The following EYS variants were observed in gnomAD, a reference collection of about 807,000 sequenced individuals.
EYS encodes protein eyes shut homolog.
A neutral mutation model predicts 282.1 loss-of-function variants in EYS; 250 were observed. The ratio of observed to expected loss-of-function variants is 0.89; its 90% CI spans 0.80 to 0.98. The LOEUF is 0.98. Ranked by LOEUF, EYS falls within the 50% of genes least tolerant of loss-of-function variation. The probability of loss-of-function intolerance (pLI) is 0.00; values close to 1 mark genes in which losing one functional copy is unlikely to be tolerated. For missense variants in EYS, 4,016 were observed against 3,709.0 expected (o/e 1.08, Z -2.15); for synonymous variants, 1,355 against 1,282.9 (o/e 1.06, Z -1.20).
intron 12 of EYS, among the ~76,000 whole-genome samples, chr6:65,290,619 G>A (rs969417811): frequency 3.3e-5 from 5 of 151,234 alleles, no homozygotes; most frequent in African/African-American, 4.8e-5. Context: ...TTAGAGTTTA[G>A]AGTCAGAAAT....
chr6:65,607,466 T>C (rs1235758543), intron 2 of EYS, among the ~76,000 whole-genome samples: 1 of 151,878 alleles, frequency 6.6e-6, no homozygotes, highest in Non-Finnish European at 1.5e-5. Flanking sequence ...CTGCTGTAAC[T>C]TTCCTCACGC....
chr6:65,283,187 T>C (rs1400041026), intron 12 of EYS, among the ~76,000 whole-genome samples: 5 of 151,982 alleles, frequency 3.3e-5, no homozygotes, highest in Admixed American at 2.0e-4. Context: ...TTAGTTAATA[T>C]TTTTCCTATC....
At chr6:64,295,971 A>G (rs1768965150) in intron 30 of EYS, among the ~76,000 whole-genome samples, 1 of 152,186 alleles carries the variant, frequency 6.6e-6, no homozygotes, top group African/African-American at 2.4e-5. Context: ...GAGCTGAATA[A>G]CTCAAGAGAC....
At chr6:65,659,946 T>C (rs1032229570) in intron 1 of EYS, among the ~76,000 whole-genome samples, 1 of 151,712 alleles carries the variant, frequency 6.6e-6, no homozygotes, top group Non-Finnish European at 1.5e-5. Context: ...CCCCTAAGTA[T>C]GGAGGGTGTT....
chr6:64,986,073 G>C (rs73765706), intron 14 of EYS, among the ~76,000 whole-genome samples: 302 of 151,392 alleles, frequency 2.0e-3, no homozygotes, highest in African/African-American at 6.8e-3. Context: ...TTTTAAACTT[G>C]TTTATTCTAT....
chr6:64,400,310 T>A (rs1773502983), intron 28 of EYS: 1 of 152,024 alleles, frequency 6.6e-6, no homozygotes, highest in Non-Finnish European at 1.5e-5. Flanking sequence ...ATTCTTGTTT[T>A]CAAAGATATT....
At chr6:65,201,376 A>T (rs1480454937) in intron 12 of EYS, among the ~76,000 whole-genome samples, 1 of 152,228 alleles carries the variant, frequency 6.6e-6, no homozygotes, top group Non-Finnish European at 1.5e-5. Context: ...TACAATAAGT[A>T]GTAAATATGC....
At chr6:65,202,938 T>C (rs1765939680) in intron 12 of EYS, among the ~76,000 whole-genome samples, 1 of 152,120 alleles carries the variant, frequency 6.6e-6, no homozygotes, top group Non-Finnish European at 1.5e-5. Context: ...ACTAGACACC[T>C]GCTAAGGTTG....
At chr6:64,584,661 T>C (rs1437247644) in intron 26 of EYS, among the ~76,000 whole-genome samples, 2 of 152,168 alleles carry the variant, frequency 1.3e-5, no homozygotes, top group East Asian at 3.9e-4. Context: ...TTTTTGAATA[T>C]ATTTTACTGC....
chr6:64,434,521 C>T (rs1774675116), intron 28 of EYS, among the ~76,000 whole-genome samples: 1 of 151,932 alleles, frequency 6.6e-6, no homozygotes, highest in South Asian at 2.1e-4. Context: ...TTATCTTTAC[C>T]TGATCTTGAA....
At chr6:65,485,700 G>A (rs775388533) in intron 5 of EYS, among the ~76,000 whole-genome samples, 3 of 152,132 alleles carry the variant, frequency 2.0e-5, no homozygotes, top group Non-Finnish European at 1.5e-5. Flanking sequence ...AGCTACTTGG[G>A]AGCGTAAGAC....
intron 2 of EYS, among the ~76,000 whole-genome samples, chr6:65,568,778 T>G (rs1420349219): frequency 1.3e-5 from 2 of 152,160 alleles, no homozygotes; most frequent in Non-Finnish European, 2.9e-5. Flanking sequence ...AAGTTACTCA[T>G]GACTTATCTC....
At chr6:63,766,213 A>G (rs1769785094) in intron 40 of EYS, among the ~76,000 whole-genome samples, 1 of 152,002 alleles carries the variant, frequency 6.6e-6, no homozygotes, top group Non-Finnish European at 1.5e-5. Context: ...AGCCACAGAA[A>G]ACACACAAAT....
chr6:65,618,716 G>T (rs185979880), intron 2 of EYS, among the ~76,000 whole-genome samples: 133 of 152,228 alleles, frequency 8.7e-4, no homozygotes, highest in Middle Eastern at 6.8e-3. Context: ...AATCCATCTT[G>T]AATTGATTTT....
At chr6:64,679,030 T>A (rs143277723) in intron 22 of EYS, among the ~76,000 whole-genome samples, 144 of 151,444 alleles carry the variant, frequency 9.5e-4, no homozygotes, top group Middle Eastern at 3.4e-3. Context: ...TTCAATATGT[T>A]ATACACTTAC....
intron 5 of EYS, among the ~76,000 whole-genome samples, chr6:65,481,774 G>T (rs1765614934): frequency 6.6e-6 from 1 of 152,016 alleles, no homozygotes; most frequent in South Asian, 2.1e-4. Context: ...ATTTCACTGT[G>T]TTAGCCAGGA....
At chr6:64,597,252 T>C (rs1156821251) in intron 24 of EYS, among the ~76,000 whole-genome samples, 1 of 152,158 alleles carries the variant, frequency 6.6e-6, no homozygotes, top group Non-Finnish European at 1.5e-5. Flanking sequence ...AGGGAACCCT[T>C]ATATGCTTCT....
chr6:64,788,537 C>T (rs1298282547), intron 22 of EYS, among the ~76,000 whole-genome samples: 6 of 152,058 alleles, frequency 3.9e-5, no homozygotes, highest in African/African-American at 7.2e-5. Context: ...TTGCGTGAGA[C>T]GTGGTAGAGG....
chr6:65,702,119 T>C (rs992786140), intron 1 of EYS, among the ~76,000 whole-genome samples: 7 of 152,224 alleles, frequency 4.6e-5, no homozygotes, highest in Non-Finnish European at 1.0e-4. Context: ...ATATCCTCAA[T>C]GGCTCTCAGT....
Sources: allele counts gnomAD v4.1 joint callset (sites outside exome capture counted in the v4.1 genomes callset), GRCh38; gene constraint gnomAD v4.1.1; transcripts MANE v1.5; gene names NCBI Gene and HGNC (gene_info 2026-07-23, HGNC 2026-07-21).